The following NFATC1 variants were observed in gnomAD, a reference collection of about 807,000 sequenced individuals.
NFATC1 encodes nuclear factor of activated T-cells, cytoplasmic 1.
In NFATC1, 22 loss-of-function variants were observed where a neutral mutation model predicts 76.0. The ratio of observed to expected loss-of-function variants is 0.29; its 90% confidence interval spans 0.21 to 0.41. The LOEUF (loss-of-function observed/expected upper bound fraction) is 0.41, where lower values mean the gene tolerates loss of function less well. NFATC1 is among the 10% of genes least tolerant of loss of function. The pLI is 1.00. For missense variants in NFATC1, 1,357 were observed against 1,337.7 expected, an observed-to-expected ratio of 1.01 and a Z score of -0.23; for synonymous variants, 704 against 613.1, an observed-to-expected ratio of 1.15 and a Z score of -2.19.
intron 9 of NFATC1, among the ~76,000 whole-genome samples, chr18:79,492,496 C>T (rs1298986120): frequency 6.6e-6 from 1 of 151,352 alleles, no homozygotes; most frequent in African/African-American, 2.4e-5. Flanking sequence ...GATCACGAGG[C>T]CAGAAGATCG....
At chr18:79,397,921 A>G (rs2148116673) in intron 1 of NFATC1, among the ~76,000 whole-genome samples, 1 of 152,306 alleles carries the variant, frequency 6.6e-6, no homozygotes, top group South Asian at 2.1e-4. Flanking sequence ...ACATGGGTGT[A>G]TTTTATGAGG....
At chr18:79,476,891 C>G (rs2089095756) in intron 8 of NFATC1, among the ~76,000 whole-genome samples, 1 of 152,200 alleles carries the variant, frequency 6.6e-6, no homozygotes, top group Non-Finnish European at 1.5e-5. Context: ...TCATGCCTTC[C>G]TGGAAACCTT....
At chr18:79,510,943 G>A (rs1033056886) in intron 9 of NFATC1, among the ~76,000 whole-genome samples, 1 of 152,202 alleles carries the variant, frequency 6.6e-6, no homozygotes, top group African/African-American at 2.4e-5. Context: ...ATCCTGCTCC[G>A]GGGCATCGTT....
At chr18:79,472,118 A>G (rs1027748254) in intron 8 of NFATC1, among the ~76,000 whole-genome samples, 2 of 152,086 alleles carry the variant, frequency 1.3e-5, no homozygotes, top group Non-Finnish European at 2.9e-5. Context: ...CCCAGCGATC[A>G]TCACGGGAGA....
At chr18:79,397,527 CG>C (rs1161730732) in intron 1 of NFATC1, among the ~76,000 whole-genome samples, 1 of 152,210 alleles carries the variant, frequency 6.6e-6, no homozygotes, top group Non-Finnish European at 1.5e-5. Flanking sequence ...TGACGCTTCA[CG>C]GGACGGGAGG....
chr18:79,420,496 G>T (rs540382750), intron 2 of NFATC1, among the ~76,000 whole-genome samples: 1 of 151,542 alleles, frequency 6.6e-6, no homozygotes, highest in Non-Finnish European at 1.5e-5. Context: ...TCGCTGCAGA[G>T]AGGAAGAGGC....
At chr18:79,409,075 TTCATCATCCATCCATCCA>T (rs1234105237) in intron 1 of NFATC1, among the ~76,000 whole-genome samples, 1 of 88,744 alleles carries the variant, frequency 1.1e-5, no homozygotes, top group African/African-American at 3.1e-5. Flanking sequence ...TATCCATTCA[TTCATCATCCATCCATCCA>T]TCATCATCCA....
At chr18:79,441,557 C>T (rs575766276) in intron 3 of NFATC1, among the ~76,000 whole-genome samples, 77 of 152,278 alleles carry the variant, frequency 5.1e-4, no homozygotes, top group South Asian at 4.8e-3. Flanking sequence ...CCAGGGCATC[C>T]CGGCTGTGGG....
At chr18:79,442,323 G>A (rs1041838484) in intron 3 of NFATC1, among the ~76,000 whole-genome samples, 10 of 152,248 alleles carry the variant, frequency 6.6e-5, no homozygotes, top group Admixed American at 2.0e-4. Context: ...CCTCGCCGAG[G>A]CGTCGGTCCT....
intron 1 of NFATC1, among the ~76,000 whole-genome samples, chr18:79,398,307 T>C (rs1323026365): frequency 6.6e-6 from 1 of 152,168 alleles, no homozygotes; most frequent in Non-Finnish European, 1.5e-5. Context: ...TCTCTGCCAC[T>C]TAACTTCACA....
intron 9 of NFATC1, among the ~76,000 whole-genome samples, chr18:79,502,671 T>C (rs1217516643): frequency 1.3e-5 from 2 of 152,184 alleles, no homozygotes; most frequent in Admixed American, 6.5e-5. Context: ...AGGATTTGAA[T>C]AGACATTTCT....
At chr18:79,429,628 C>T (rs1430701865) in intron 2 of NFATC1, among the ~76,000 whole-genome samples, 4 of 152,152 alleles carry the variant, frequency 2.6e-5, no homozygotes, top group African/African-American at 9.6e-5. Context: ...GTCCCGTCTC[C>T]GCAGCAGTGC....
At chr18:79,406,065 G>A (rs761285726) in intron 1 of NFATC1, among the ~76,000 whole-genome samples, 1 of 152,202 alleles carries the variant, frequency 6.6e-6, no homozygotes, top group African/African-American at 2.4e-5. Context: ...CTAGTACCCC[G>A]TGTGGCGCAG....
chr18:79,422,188 A>G (rs2086116316), intron 2 of NFATC1: 1 of 152,212 alleles, frequency 6.6e-6, no homozygotes, highest in African/African-American at 2.4e-5. Flanking sequence ...CCGTCTTGGC[A>G]CCACTAGAAA....
At chr18:79,425,962 A>G (rs898117168) in intron 2 of NFATC1, among the ~76,000 whole-genome samples, 10 of 152,368 alleles carry the variant, frequency 6.6e-5, no homozygotes, top group Admixed American at 3.3e-4. Flanking sequence ...CTGGAATCCC[A>G]GCGCTTTGGG....
intron 9 of NFATC1, among the ~76,000 whole-genome samples, chr18:79,510,894 C>T (rs1185465718): frequency 2.0e-5 from 3 of 151,524 alleles, no homozygotes; most frequent in African/African-American, 7.3e-5. Flanking sequence ...GGGCATCCTC[C>T]GCCGGGACAT....
chr18:79,450,427 T>C (rs1407500108), intron 4 of NFATC1, among the ~76,000 whole-genome samples: 3 of 148,440 alleles, frequency 2.0e-5, no homozygotes, highest in African/African-American at 7.3e-5. Context: ...TAATTATAAA[T>C]ATATAATATT....
At chr18:79,456,506 G>A (rs1034822544) in intron 6 of NFATC1, among the ~76,000 whole-genome samples, 8 of 152,348 alleles carry the variant, frequency 5.3e-5, no homozygotes, top group Middle Eastern at 6.8e-3. Flanking sequence ...ATCAGTGCCC[G>A]CTGGCCACCC....
chr18:79,497,159 A>G (rs1569032921), intron 9 of NFATC1: 1 of 152,248 alleles, frequency 6.6e-6, no homozygotes, highest in Non-Finnish European at 1.5e-5. Context: ...ACGTTTCCAT[A>G]AGAAGGACTG....
Sources: allele counts gnomAD v4.1 joint callset (sites outside exome capture counted in the v4.1 genomes callset), GRCh38; gene constraint gnomAD v4.1.1; transcripts MANE v1.5; gene names NCBI Gene and HGNC (gene_info 2026-07-23, HGNC 2026-07-21).